JMJD1C: variants seen among roughly 807,000 people sequenced by gnomAD.
JMJD1C encodes the protein jumonji domain containing 1C.
JMJD1C carries 31 observed loss-of-function variants against 245.3 expected under a neutral mutation model. The observed-to-expected ratio is 0.13, with a 90% CI of 0.09 to 0.17. The LOEUF is 0.17. JMJD1C is among the 10% of genes least tolerant of loss of function. JMJD1C has a pLI of 1.00. For missense variants in JMJD1C, 2,691 were observed against 3,000.2 expected, an observed-to-expected ratio of 0.90 and a Z score of 2.41; for synonymous variants, 1,057 against 1,017.4, an observed-to-expected ratio of 1.04 and a Z score of -0.74.
At chr10:63,434,534 G>A (rs933494279) in intron 1 of JMJD1C, among the ~76,000 whole-genome samples, 7 of 152,102 alleles carry the variant, frequency 4.6e-5, no homozygotes, top group East Asian at 1.9e-4. Context: ...ATAAGCTACC[G>A]AGAGAGGAAG....
intron 1 of JMJD1C, among the ~76,000 whole-genome samples, chr10:63,391,734 G>C (rs1381480790): frequency 2.0e-5 from 3 of 152,056 alleles, no homozygotes; most frequent in Non-Finnish European, 4.4e-5. Context: ...GCGATACAAA[G>C]ATTCAATGCA....
intron 1 of JMJD1C, among the ~76,000 whole-genome samples, chr10:63,513,641 G>A (rs957523708): frequency 7.2e-5 from 11 of 152,096 alleles, no homozygotes; most frequent in Admixed American, 5.2e-4. Flanking sequence ...GGCCGGGCAC[G>A]GTGGCTCATG....
intron 1 of JMJD1C, among the ~76,000 whole-genome samples, chr10:63,438,957 A>T (rs1951209623): frequency 6.6e-6 from 1 of 152,172 alleles, no homozygotes; most frequent in Non-Finnish European, 1.5e-5. Context: ...CTCCTTCCAT[A>T]AACTGATTTC....
At chr10:63,497,743 A>G (rs1050826252) in intron 1 of JMJD1C, among the ~76,000 whole-genome samples, 7 of 152,196 alleles carry the variant, frequency 4.6e-5, no homozygotes, top group Non-Finnish European at 7.4e-5. Context: ...TTTCTGCTCT[A>G]AAGTTGTTCA....
At chr10:63,337,704 C>T (rs1209379670) in intron 2 of JMJD1C, among the ~76,000 whole-genome samples, 3 of 151,978 alleles carry the variant, frequency 2.0e-5, no homozygotes, top group Non-Finnish European at 4.4e-5. Flanking sequence ...GGGGAAGCCT[C>T]ATATAGATTA....
At chr10:63,285,777 G>C (rs1165841141) in intron 2 of JMJD1C, among the ~76,000 whole-genome samples, 1 of 152,098 alleles carries the variant, frequency 6.6e-6, no homozygotes, top group Non-Finnish European at 1.5e-5. Flanking sequence ...CACTGCACTC[G>C]AGACTGGGCA....
At position 63,335,026 on chromosome 10, in the gene JMJD1C, AAAAAT is replaced by A. The variant is rs1438854774; in HGVS notation, c.333+45287_333+45291del. 7.9e-4 allele frequency among the ~76,000 whole-genome samples: 115 copies of A among 146,026 alleles called. 2 individuals carry two copies. Among genetic ancestry groups the A allele is most frequent in the Middle Eastern group, 3.5e-3 (1 of 288 alleles). On this transcript the variant is annotated intron_variant, in intron 2 of 25. Coordinates refer to ENST00000399262, the MANE Select transcript of JMJD1C (RefSeq NM_032776.3). ...CCCAGCCAAGACTCTGTCTTTGGAA[AAAAAT>A]AAAAAAAAAAAAAAATATTGTTCCT...
At chr10:63,220,844 C>T (rs1167230267) in intron 3 of JMJD1C, among the ~76,000 whole-genome samples, 1 of 152,048 alleles carries the variant, frequency 6.6e-6, no homozygotes, top group Non-Finnish European at 1.5e-5. Context: ...CGCGGTGGCT[C>T]ACGCCTGTAA....
chr10:63,331,199 A>T (rs1483695192), intron 2 of JMJD1C, among the ~76,000 whole-genome samples: 1 of 152,180 alleles, frequency 6.6e-6, no homozygotes, highest in Non-Finnish European at 1.5e-5. Flanking sequence ...TCTGGTTTCA[A>T]ACATAACACT....
At chr10:63,186,510 CTGA>C in intron 18 of JMJD1C, 127 bp from the exon 19 acceptor site, 1 of 631,354 alleles carries the variant, frequency 1.6e-6, no homozygotes, top group South Asian at 2.4e-5. Context: ...CTCATCATAC[CTGA>C]CTGTCACCCT....
At chr10:63,343,788 A>C (rs948768613) in intron 2 of JMJD1C, among the ~76,000 whole-genome samples, 1 of 152,150 alleles carries the variant, frequency 6.6e-6, no homozygotes, top group African/African-American at 2.4e-5. Flanking sequence ...CTATAATCCC[A>C]TAACTTTGGG....
In JMJD1C at chr10:63,260,319, C is replaced by T. The variant is rs527763852; in HGVS notation, c.447+4332G>A. ...CAGGTTAGTTGGTATGAATCATGTA[C>T]AACTTTCAGGTAAGAAATAATCTCT... On this transcript the variant is annotated intron_variant, in intron 3 of 25. Coordinates refer to ENST00000399262, the MANE Select transcript of JMJD1C (RefSeq NM_032776.3). Among the ~76,000 whole-genome samples, 3 of 152,258 alleles carry T rather than the reference C, an allele frequency of 2.0e-5. No individual in the cohort carries two copies. The South Asian group carries it at 6.2e-4, about 32-fold the overall frequency.
At chr10:63,281,494 G>T (rs574034272) in intron 2 of JMJD1C, among the ~76,000 whole-genome samples, 1 of 101,532 alleles carries the variant, frequency 9.8e-6, no homozygotes, top group Non-Finnish European at 1.8e-5. Flanking sequence ...TTTTTGAGAC[G>T]GAGTCTCACT....
chr10:63,376,616 CT>C (rs1946763500), intron 2 of JMJD1C, among the ~76,000 whole-genome samples: 1 of 152,072 alleles, frequency 6.6e-6, no homozygotes, highest in Non-Finnish European at 1.5e-5. Flanking sequence ...AGGCAAAGAA[CT>C]TTATGAATAG....
chr10:63,435,331 C>G (rs1277160997), intron 1 of JMJD1C, among the ~76,000 whole-genome samples: 1 of 152,050 alleles, frequency 6.6e-6, no homozygotes, highest in East Asian at 1.9e-4. Flanking sequence ...AGAAAAGAAA[C>G]AGTTGTACTT....
At chr10:63,220,183 C>T (rs1241101698) in intron 3 of JMJD1C, among the ~76,000 whole-genome samples, 200 bp from the exon 4 acceptor site, 7 of 152,142 alleles carry the variant, frequency 4.6e-5, no homozygotes, top group Non-Finnish European at 1.0e-4. Flanking sequence ...TAAGATTTGA[C>T]CTTTGACAAC....
chr10:63,181,057 G>A (rs1843419925), intron 22 of JMJD1C, among the ~76,000 whole-genome samples: 1 of 152,102 alleles, frequency 6.6e-6, no homozygotes, highest in African/African-American at 2.4e-5. Flanking sequence ...AATAGAGACT[G>A]GGTTTCACTA....
intron 13 of JMJD1C, among the ~76,000 whole-genome samples, chr10:63,196,972 A>ATT (rs374078037): frequency 6.8e-6 from 1 of 147,646 alleles, no homozygotes; most frequent in African/African-American, 2.5e-5. Context: ...CATTTTTTGT[A>ATT]TTTTTTTTTT....
intron 1 of JMJD1C, among the ~76,000 whole-genome samples, chr10:63,397,813 G>A (rs1337062965): frequency 3.3e-5 from 5 of 152,126 alleles, no homozygotes; most frequent in African/African-American, 9.7e-5. Context: ...GGATTATACA[G>A]GCATGAACCA....
Sources: gnomAD v4.1 joint callset for allele counts (sites outside exome capture counted in the v4.1 genomes callset) on GRCh38, gnomAD v4.1.1 for gene constraint, MANE v1.5 for transcripts, NCBI Gene and HGNC (gene_info 2026-07-23, HGNC 2026-07-21) for gene names.